The following FAM118B variants were observed in gnomAD, a reference collection of about 807,000 sequenced individuals.
FAM118B encodes the protein protein FAM118B.
FAM118B carries 24 observed loss-of-function variants against 38.5 expected under a neutral mutation model. The observed-to-expected ratio is 0.62, with a 90% confidence interval of 0.45 to 0.88. The LOEUF (loss-of-function observed/expected upper bound fraction) is 0.88. Ranked by LOEUF, FAM118B falls within the 40% of genes least tolerant of loss-of-function variation. The pLI, the probability that FAM118B is intolerant of heterozygous loss-of-function variation, is 0.00. For missense variants in FAM118B, 334 were observed against 420.0 expected, an observed-to-expected ratio of 0.80 and a Z score of 1.79; for synonymous variants, 138 against 156.3, an observed-to-expected ratio of 0.88 and a Z score of 0.87.
intron 3 of FAM118B, among the ~76,000 whole-genome samples, chr11:126,237,273 T>A (rs1223319008): frequency 1.7e-5 from 2 of 116,324 alleles, no homozygotes; most frequent in African/African-American, 6.7e-5. Flanking sequence ...CAGGCTGGAG[T>A]GCAATGGTGC....
intron 1 of FAM118B, among the ~76,000 whole-genome samples, chr11:126,224,531 G>A (rs77266817): frequency 2.7e-5 from 4 of 150,668 alleles, no homozygotes; most frequent in East Asian, 3.9e-4. Flanking sequence ...ACTAATAATT[G>A]GTATGTTAGA....
In FAM118B at chr11:126,256,739, G is replaced by A. The variant is rs377146318; in HGVS notation, c.869G>A (p.Arg290Gln). Residue 290 changes from arginine (R) to glutamine (Q), a missense_variant, in exon 7 of 9, where the codon CGA becomes CAA. Physicochemically the swap from Arg to Gln is conservative, Grantham distance 43. Transcript: ENST00000533050. The surrounding 1 kb of genome is among the most constrained non-coding windows in gnomAD (Gnocchi z 6.6). ...GACGTAGATGAGTTCAAAAAGCTTC[G>A]AGAAAACATGCTGGACAAGGGGATT... ...RGDVDEFKKL[R>Q]ENMLDKGIKV... 4.3e-6 allele frequency: 7 copies of A among 1,614,060 alleles called. No homozygotes were observed. The highest frequency in any genetic ancestry group is 5.9e-6 in the Non-Finnish European group (7 of 1,180,002).
chr11:126,234,609 G>A (rs755082852), intron 2 of FAM118B, among the ~76,000 whole-genome samples: 6 of 152,126 alleles, frequency 3.9e-5, no homozygotes, highest in Non-Finnish European at 5.9e-5. Context: ...CTTATCTATG[G>A]GTGGTTTTTA....
chr11:126,223,922 T>C (rs954777889), intron 1 of FAM118B, among the ~76,000 whole-genome samples: 1 of 152,344 alleles, frequency 6.6e-6, no homozygotes, highest in African/African-American at 2.4e-5. Context: ...CAAAAAATGA[T>C]AGTCTGAATA....
At chr11:126,247,879 A>C (rs1336042714) in intron 4 of FAM118B, among the ~76,000 whole-genome samples, 3 of 145,374 alleles carry the variant, frequency 2.1e-5, no homozygotes, top group Admixed American at 1.4e-4. Flanking sequence ...ATATATATAT[A>C]TCTATATATA....
intron 4 of FAM118B, among the ~76,000 whole-genome samples, chr11:126,243,187 A>G (rs1950379868): frequency 6.6e-6 from 1 of 152,248 alleles, no homozygotes; most frequent in African/African-American, 2.4e-5. Flanking sequence ...ATTGCTTGAC[A>G]GGGCTAGAGG....
At chr11:126,242,328 G>A (rs1950370363) in intron 4 of FAM118B, among the ~76,000 whole-genome samples, 1 of 152,152 alleles carries the variant, frequency 6.6e-6, no homozygotes. Context: ...GGTGGCTCAT[G>A]CCTATAATCC....
chr11:126,220,848 C>T (rs899002474), intron 1 of FAM118B, among the ~76,000 whole-genome samples: 2 of 151,384 alleles, frequency 1.3e-5, no homozygotes, highest in Admixed American at 1.3e-4. Context: ...ATTCTTATTT[C>T]AGATCTAAAC....
rs191594183 is a variant in FAM118B at position 126,237,789 on chromosome 11, G to A, written c.86+2702G>A. Among the ~76,000 whole-genome samples, 173 of 141,350 alleles carry A rather than the reference G, an allele frequency of 1.2e-3. No homozygotes were observed. The Middle Eastern group carries it at 0.02, about 16-fold the overall frequency. 92.7% of individuals were successfully genotyped at this position (141,350 alleles called of 152,430 possible). A position where few individuals can be genotyped will look rare whatever the true frequency, so the allele number is the denominator to read the frequency against. On this transcript the variant is annotated intron_variant, in intron 3 of 8. Coordinates refer to ENST00000533050, the MANE Select transcript of FAM118B (RefSeq NM_024556.4). ...GGAGAATCACTTGAACCTGGGAGGC[G>A]GAGGTTGCAGTGAGCTGAGATTGTG... is the stretch of plus-strand genomic sequence containing the variant.
intron 1 of FAM118B, among the ~76,000 whole-genome samples, chr11:126,219,932 A>AT (rs1168309020): frequency 2.6e-5 from 4 of 151,676 alleles, no homozygotes; most frequent in African/African-American, 7.3e-5. Context: ...TGAAGGAAGA[A>AT]TTTTTTTTAA....
At position 126,254,968 on chromosome 11, in the gene FAM118B, A is replaced by G. The variant is rs902123614; in HGVS notation, c.696+535A>G. On this transcript the variant is annotated intron_variant, in intron 6 of 8. Transcript: ENST00000533050. ...TGTTTGTACTTAATTGACAACCAGC[A>G]GATGGCATGTCATCATTGGCATCAT... Among the ~76,000 whole-genome samples the G allele has an allele frequency of 3.9e-5, 6 of 152,244 alleles. No homozygotes were observed. The South Asian group carries it at 1.2e-3, about 32-fold the overall frequency.
chr11:126,241,527 T>C (rs1318899002), intron 4 of FAM118B, among the ~76,000 whole-genome samples: 2 of 152,170 alleles, frequency 1.3e-5, no homozygotes, highest in Non-Finnish European at 2.9e-5. Flanking sequence ...ACTCCCTGTC[T>C]TGCTTTGTCT....
chr11:126,227,346 G>A (rs76260564), intron 1 of FAM118B, among the ~76,000 whole-genome samples: 8,210 of 152,076 alleles, frequency 0.054, 358 homozygotes, highest in East Asian at 0.17. Flanking sequence ...ACAGGCGTGA[G>A]CCACCGTGCC....
At position 126,253,822 on chromosome 11, in the gene FAM118B, A is replaced by G. The variant is rs765827773; in HGVS notation, c.568-483A>G. The stretch of plus-strand genomic sequence containing the variant: ...CGCATGGCAGCTGGATTCCAAAAGT[A>G]ACACAAGAGAAGTAAGACTTCTTGT... On this transcript the variant is annotated intron_variant, in intron 5 of 8. Transcript: ENST00000533050. This position sits in a 1 kb window ranked among gnomAD's most constrained non-coding sequence, Gnocchi z 5.1. Among the ~76,000 whole-genome samples the G allele has an allele frequency of 2.6e-5, 4 of 152,228 alleles. No homozygotes were observed. Among genetic ancestry groups the G allele is most frequent in the Non-Finnish European group, 5.9e-5 (4 of 68,032 alleles).
intron 1 of FAM118B, among the ~76,000 whole-genome samples, chr11:126,215,578 T>G (rs1033494193): frequency 6.6e-6 from 1 of 150,676 alleles, no homozygotes; most frequent in Non-Finnish European, 1.5e-5. Context: ...GCACCTGTAG[T>G]CCCAGCTACT....
At chr11:126,226,756 G>A (rs905716389) in intron 1 of FAM118B, among the ~76,000 whole-genome samples, 4 of 152,176 alleles carry the variant, frequency 2.6e-5, no homozygotes, top group African/African-American at 4.8e-5. Context: ...TGAGGCAGGC[G>A]GATCACTTGA....
chr11:126,220,019 A>T (rs1015975147), intron 1 of FAM118B, among the ~76,000 whole-genome samples: 2 of 152,166 alleles, frequency 1.3e-5, no homozygotes, highest in African/African-American at 2.4e-5. Flanking sequence ...TTTAGAATTG[A>T]TATGAACATG....
chr11:126,214,490 G>GCTTTTTTTTTTTTTTTT (rs1949942521), intron 1 of FAM118B: 1 of 25,814 alleles, frequency 3.9e-5, no homozygotes, highest in South Asian at 1.3e-3. Flanking sequence ...TTTTGTTTCT[G>GCTTTTTTTTTTTTTTTT]TTTTTTTTTT....
At chr11:126,261,396 A>G in intron 7 of FAM118B, 29 bp from the exon 8 acceptor site, 1 of 1,603,504 alleles carries the variant, frequency 6.2e-7, no homozygotes, top group Non-Finnish European at 8.5e-7. Context: ...TTTTCAGTCT[A>G]ATGTCTGATG....
Sources: allele counts gnomAD v4.1 joint callset (sites outside exome capture counted in the v4.1 genomes callset), GRCh38; gene constraint gnomAD v4.1.1; non-coding constraint Gnocchi (gnomAD v3.1); transcripts MANE v1.5; gene names NCBI Gene and HGNC (gene_info 2026-07-23, HGNC 2026-07-21).